UMODL1: variants seen among roughly 807,000 people sequenced by gnomAD.
The protein encoded by UMODL1 is uromodulin like 1.
Under a neutral mutation model 136.3 loss-of-function variants are expected in UMODL1, and 128 were observed. That is an observed-to-expected ratio of 0.94 (90% confidence interval 0.81 to 1.09). The LOEUF is 1.09. UMODL1 is among the 50% of genes least tolerant of loss of function. The pLI is 0.00. For missense variants in UMODL1, 1,766 were observed against 1,725.6 expected, an observed-to-expected ratio of 1.02 and a Z score of -0.41; for synonymous variants, 721 against 720.0, an observed-to-expected ratio of 1.00 and a Z score of -0.02.
chr21:42,073,007 A>AGT (rs72241179), intron 1 of UMODL1, among the ~76,000 whole-genome samples: 3 of 151,114 alleles, frequency 2.0e-5, no homozygotes, highest in South Asian at 2.1e-4. Context: ...ACAGGAGATG[A>AGT]GTGTGTGTGT....
rs2066866471 is a variant in UMODL1 at position 42,113,678 on chromosome 21, T to A, written c.2210T>A (p.Leu737Gln). ...LAMDSTFQLT[L>Q]TSMWSPAVVL... ...ATGGACTCCACCTTCCAGCTCACTCTGACTTCCATGTGGAGCCCTGCTGTG... is the reference window on the plus strand; with the variant it reads ...ATGGACTCCACCTTCCAGCTCACTCAGACTTCCATGTGGAGCCCTGCTGTG... The change falls in exon 13 of 23, where the codon CTG becomes CAG. Residue 737 changes from leucine to glutamine, a missense_variant. Physicochemically the swap from Leu to Gln is moderately radical, Grantham distance 113 (BLOSUM62 -2). Coordinates refer to ENST00000408910, the MANE Select transcript of UMODL1 (RefSeq NM_001004416.3). 1 of 1,613,984 alleles carries A rather than the reference T, an allele frequency of 6.2e-7. No homozygotes were observed. The highest frequency in any genetic ancestry group is 8.5e-7 in the Non-Finnish European group (1 of 1,180,042).
At chr21:42,093,667 T>C (rs935062706) in intron 6 of UMODL1, 1 of 324,394 alleles carries the variant, frequency 3.1e-6, no homozygotes, top group African/African-American at 2.2e-5. Flanking sequence ...AGAATGAGGC[T>C]GTGTGGGGAG....
In UMODL1 at chr21:42,111,694, G is replaced by A; in HGVS notation, c.2088G>A (p.Leu696=). ...DLPLTSTLTA[L]KTPACVPVSI... is the part of the protein sequence containing the mutation. ...CATTGACCTCCACCCTCACAGCTCT[G>A]AAGACCCCCGCCTGTGGTGAGTTCC... Residue 696 remains leucine (L), a synonymous_variant, in exon 12 of 23, where the codon CTG becomes CTA. Coordinates refer to ENST00000408910, the MANE Select transcript of UMODL1 (RefSeq NM_001004416.3). The A allele has an allele frequency of 1.2e-6, 2 of 1,611,754 alleles. No individual in the cohort carries two copies. Among genetic ancestry groups the A allele is most frequent in the Non-Finnish European group, 1.7e-6 (2 of 1,178,630 alleles).
chr21:42,078,347 C>A (rs150803), intron 2 of UMODL1, among the ~76,000 whole-genome samples: 12 of 20,352 alleles, frequency 5.9e-4, no homozygotes, highest in South Asian at 1.6e-3. Flanking sequence ...GAAACCAGGC[C>A]GGGCCAGCTG....
At chr21:42,097,382 A>T (rs1416335524) in intron 6 of UMODL1, among the ~76,000 whole-genome samples, 1 of 152,154 alleles carries the variant, frequency 6.6e-6, no homozygotes, top group African/African-American at 2.4e-5. Flanking sequence ...GATTCAAAGG[A>T]GGCAGCTCAG....
intron 2 of UMODL1, among the ~76,000 whole-genome samples, chr21:42,083,657 A>C (rs887427512): frequency 1.3e-5 from 2 of 152,272 alleles, no homozygotes; most frequent in African/African-American, 4.8e-5. Flanking sequence ...CCCCACTGGA[A>C]TATAAGTTCC....
At chr21:42,071,198 G>T, upstream of UMODL1, 1 of 1,096,630 alleles carries the variant, frequency 9.1e-7, no homozygotes, top group East Asian at 3.1e-5. Flanking sequence ...GCAGCACAGG[G>T]GACAGAAAGG....
Position 42,090,242 on chromosome 21 carries a change from A to C in UMODL1, c.791-56A>C. ...GAGGCCGTGTGTGTGCAGGTAGATG[A>C]AGATGACGAGGTAGCTGCGACTGCT... is the stretch of plus-strand genomic sequence containing the variant. On this transcript the variant is annotated intron_variant, in intron 5 of 22. Transcript: ENST00000408910. The C allele has an allele frequency of 2.5e-6, 4 of 1,608,278 alleles. No individual in the cohort carries two copies. In the South Asian group the frequency reaches 3.3e-5, roughly 13 times the overall value.
At chr21:42,134,033 T>C (rs2067169948) in intron 21 of UMODL1, among the ~76,000 whole-genome samples, 1 of 152,322 alleles carries the variant, frequency 6.6e-6, no homozygotes, top group East Asian at 1.9e-4. Flanking sequence ...TTCTCCTGTC[T>C]CGGCCTCTAG....
chr21:42,124,817 G>T (rs186212318), intron 17 of UMODL1, among the ~76,000 whole-genome samples: 5 of 152,278 alleles, frequency 3.3e-5, no homozygotes, highest in Admixed American at 6.5e-5. Flanking sequence ...TTGGGGTGGT[G>T]CCCTGAAACC....
At chr21:42,083,762 T>A (rs1307539954) in intron 2 of UMODL1, among the ~76,000 whole-genome samples, 1 of 152,232 alleles carries the variant, frequency 6.6e-6, no homozygotes, top group African/African-American at 2.4e-5. Flanking sequence ...GAATGAGCTA[T>A]CAGGACTTGA....
At chr21:42,068,131 A>G (rs1233276654), upstream of UMODL1, among the ~76,000 whole-genome samples, 1 of 152,170 alleles carries the variant, frequency 6.6e-6, no homozygotes, top group East Asian at 1.9e-4. This position sits in a 1 kb window ranked among gnomAD's most constrained non-coding sequence, Gnocchi z 5.5. Context: ...TCGTTCCAGC[A>G]GGAAGGCCAA....
intron 11 of UMODL1, 163 bp downstream of exon 11, chr21:42,111,284 C>T (rs1272566395): frequency 1.4e-6 from 2 of 1,384,992 alleles, no homozygotes; most frequent in African/African-American, 1.5e-5. Flanking sequence ...CCAGGTGAAC[C>T]CCAGCCAGCG....
At chr21:42,104,320 CAG>C (rs1471870834) in intron 9 of UMODL1, among the ~76,000 whole-genome samples, 1 of 152,214 alleles carries the variant, frequency 6.6e-6, no homozygotes, top group East Asian at 1.9e-4. Context: ...AAGGTACCCT[CAG>C]GGGAAAGGGA....
chr21:42,065,084 T>C (rs964027527), intron 1 of UMODL1, among the ~76,000 whole-genome samples: 1 of 152,238 alleles, frequency 6.6e-6, no homozygotes, highest in Admixed American at 6.5e-5. Context: ...AACTCACTGT[T>C]GTGATGTCCT....
rs192887046 is a variant in UMODL1, at chr21:42,083,185, G to C, written c.320-899G>C. ...CACCTCCAGTGCCACTCTGCCATGC[G>C]TCTCCACATGGGCGAGCAGTGGACA... On this transcript the variant is annotated intron_variant, in intron 2 of 22. Transcript: ENST00000408910. Among the ~76,000 whole-genome samples the C allele has an allele frequency of 1.4e-3, 209 of 152,324 alleles. 1 individual carries two copies. Among genetic ancestry groups the C allele is most frequent in the Admixed American group, 0.012 (188 of 15,312 alleles).
intron 10 of UMODL1, among the ~76,000 whole-genome samples, chr21:42,110,316 G>A (rs142786135): frequency 0.013 from 2,027 of 152,316 alleles, 46 homozygotes; most frequent in African/African-American, 0.045. Flanking sequence ...TGGCAGAGGC[G>A]CCCAGCCACT....
chr21:42,100,242 T>G (rs2066610140), intron 7 of UMODL1, among the ~76,000 whole-genome samples: 1 of 152,162 alleles, frequency 6.6e-6, no homozygotes, highest in African/African-American at 2.4e-5. Flanking sequence ...CTGTGGGCTT[T>G]GGGCTTCATG....
At chr21:42,102,413 G>A in intron 8 of UMODL1, 135 bp downstream of exon 8, 1 of 632,512 alleles carries the variant, frequency 1.6e-6, no homozygotes, top group Non-Finnish European at 2.7e-6. Context: ...TTCAGGGGAG[G>A]CCAAACCCAA....
Sources: gnomAD v4.1 joint callset for allele counts (sites outside exome capture counted in the v4.1 genomes callset) on GRCh38, gnomAD v4.1.1 for gene constraint, Gnocchi (gnomAD v3.1) non-coding constraint, MANE v1.5 for transcripts, NCBI Gene and HGNC (gene_info 2026-07-23, HGNC 2026-07-21) for gene names.